SDK1: variants seen among roughly 807,000 people sequenced by gnomAD.
SDK1 encodes protein sidekick-1.
In SDK1, 157 loss-of-function variants were observed where a neutral mutation model predicts 245.5. That is an observed-to-expected ratio of 0.64 (90% CI 0.56 to 0.73). The LOEUF (loss-of-function observed/expected upper bound fraction) is 0.73, where lower values mean the gene tolerates loss of function less well. Ranked by LOEUF, SDK1 falls within the 30% of genes least tolerant of loss-of-function variation. The pLI is 0.00. For synonymous variants in SDK1, 1,647 were observed against 1,278.5 expected (o/e 1.29, Z -6.15); for missense variants, 3,583 against 3,002.3 (o/e 1.19, Z -4.52).
chr7:4,174,149 G>A, intron 32 of SDK1, 73 bp from the exon 33 acceptor site: 4 of 1,532,808 alleles, frequency 2.6e-6, no homozygotes, highest in Non-Finnish European at 3.6e-6. Context: ...AAACAGGGGT[G>A]GAGGTGAGCC....
At chr7:4,148,036 A>G (rs686121) in intron 29 of SDK1, among the ~76,000 whole-genome samples, 15,867 of 145,052 alleles carry the variant, frequency 0.11, 1,143 homozygotes, top group South Asian at 0.16. Context: ...GAGATTTTCC[A>G]TTGGGGCCCC....
chr7:3,526,231 G>A (rs1264865304), intron 1 of SDK1, among the ~76,000 whole-genome samples: 2 of 149,882 alleles, frequency 1.3e-5, no homozygotes, highest in East Asian at 1.9e-4. Flanking sequence ...AGACTCCGTC[G>A]CAAAAAAAGA....
rs551968065 is a variant in SDK1 at position 3,790,946 on chromosome 7, C to T, written c.714-30504C>T. 1.1e-4 allele frequency among the ~76,000 whole-genome samples: 17 copies of T among 152,100 alleles called. No homozygotes were observed. In the East Asian group the frequency reaches 2.7e-3, roughly 24 times the overall value. ...ACTTGACAGTAATCAAAGAGGTAGCCACCCTGCTTGGTTTGAATCACAGCT... is the reference window on the plus strand; with the variant it reads ...ACTTGACAGTAATCAAAGAGGTAGCTACCCTGCTTGGTTTGAATCACAGCT... On this transcript the variant is annotated intron_variant, in intron 4 of 44. Coordinates refer to ENST00000404826, the MANE Select transcript of SDK1 (RefSeq NM_152744.4).
intron 20 of SDK1, among the ~76,000 whole-genome samples, chr7:4,069,948 G>A (rs1780143013): frequency 6.6e-6 from 1 of 152,152 alleles, no homozygotes; most frequent in South Asian, 2.1e-4. Context: ...ATGTGGTGGG[G>A]GTGAGGTTTG....
chr7:3,654,590 T>C (rs1783105571), intron 4 of SDK1, among the ~76,000 whole-genome samples: 1 of 152,206 alleles, frequency 6.6e-6, no homozygotes, highest in East Asian at 1.9e-4. Context: ...TGAAGGTCAC[T>C]CAAGTGTCTT....
In SDK1 at chr7:3,360,806, G is replaced by A. The variant is rs190497679; in HGVS notation, c.298+58922G>A. Among the ~76,000 whole-genome samples, 105 of 152,250 alleles carry A rather than the reference G, an allele frequency of 6.9e-4. 1 individual carries two copies. In the East Asian group the frequency reaches 0.019, roughly 28 times the overall value. On this transcript the variant is annotated intron_variant, in intron 1 of 44. Coordinates refer to ENST00000404826, the MANE Select transcript of SDK1 (RefSeq NM_152744.4). ...ACAGAGGCAGAGAAGACTCCACTCTGTTATGTAATTGTGAGTGCTGGGAGA... is the reference window on the plus strand; with the variant it reads ...ACAGAGGCAGAGAAGACTCCACTCTATTATGTAATTGTGAGTGCTGGGAGA...
intron 1 of SDK1, among the ~76,000 whole-genome samples, chr7:3,592,627 C>G (rs959580109): frequency 2.0e-5 from 3 of 152,092 alleles, no homozygotes; most frequent in Non-Finnish European, 2.9e-5. Context: ...GTTCTGTTTC[C>G]TTTCCTAACT....
chr7:3,736,235 A>G (rs953972049), intron 4 of SDK1, among the ~76,000 whole-genome samples: 3 of 152,136 alleles, frequency 2.0e-5, no homozygotes, highest in Admixed American at 6.5e-5. Flanking sequence ...CACTTAATAT[A>G]TAATCTAGTT....
chr7:4,095,552 ATTTATT>A (rs1463935714), intron 22 of SDK1, among the ~76,000 whole-genome samples: 1 of 151,820 alleles, frequency 6.6e-6, no homozygotes, highest in East Asian at 1.9e-4. Flanking sequence ...TCCTTTATTT[ATTTATT>A]TTTAATTTTT....
intron 14 of SDK1, among the ~76,000 whole-genome samples, chr7:4,006,391 A>G (rs1785489539): frequency 6.6e-6 from 1 of 152,182 alleles, no homozygotes; most frequent in South Asian, 2.1e-4. Flanking sequence ...CGTTTATGGG[A>G]TGGTTTCCTT....
chr7:3,584,565 G>A (rs1780618944), intron 1 of SDK1, among the ~76,000 whole-genome samples: 1 of 152,142 alleles, frequency 6.6e-6, no homozygotes, highest in African/African-American at 2.4e-5. Flanking sequence ...ATCCTGGCCA[G>A]GTGCTTTCCC....
chr7:3,650,157 C>T (rs1429906123), intron 4 of SDK1, among the ~76,000 whole-genome samples: 1 of 152,214 alleles, frequency 6.6e-6, no homozygotes, highest in Non-Finnish European at 1.5e-5. Flanking sequence ...TCAAGCCGTC[C>T]TCCTGCTTTG....
At chr7:3,333,259 A>G (rs374048511) in intron 1 of SDK1, among the ~76,000 whole-genome samples, 1 of 152,154 alleles carries the variant, frequency 6.6e-6, no homozygotes, top group Non-Finnish European at 1.5e-5. Flanking sequence ...TATGATATTT[A>G]GAAACTTTTG....
intron 39 of SDK1, among the ~76,000 whole-genome samples, 166 bp downstream of exon 39, chr7:4,220,436 G>A (rs560359914): frequency 6.6e-6 from 1 of 152,066 alleles, no homozygotes; most frequent in Admixed American, 6.5e-5. Context: ...TCAAAAGCAC[G>A]CGTCAACATG....
chr7:3,903,287 G>C (rs2128106035), intron 5 of SDK1, among the ~76,000 whole-genome samples: 1 of 152,058 alleles, frequency 6.6e-6, no homozygotes, highest in African/African-American at 2.4e-5. Context: ...GGGACTACAG[G>C]TGCCCGCCAC....
Position 3,415,729 on chromosome 7 carries a change from A to T in SDK1, c.298+113845A>T, listed in dbSNP as rs1779346697. Among the ~76,000 whole-genome samples the T allele has an allele frequency of 2.7e-5, 4 of 149,592 alleles. No individual in the cohort carries two copies. The South Asian group carries it at 8.3e-4, about 31-fold the overall frequency. On this transcript the variant is annotated intron_variant, in intron 1 of 44. Transcript: ENST00000404826. ...ATATAAATTATATATAAATGTATAT[A>T]TATATATTCATATACAAATCATTTC...
chr7:4,161,831 C>T lies in SDK1; in HGVS notation c.4775C>T (p.Thr1592Met), dbSNP rs372508770. The T allele has an allele frequency of 8.1e-6, 13 of 1,614,034 alleles. No individual in the cohort carries two copies. Among genetic ancestry groups the T allele is most frequent in the African/African-American group, 6.7e-5 (5 of 74,944 alleles). ...PGSVSATPHT[T>M]SSVLIQWQPP... ...TCTGTCTCAGCGACGCCACACACCA[C>T]GTCCTCTGTCCTGATACAGTGGCAG... Residue 1592 changes from threonine (T) to methionine (M), a missense_variant, in exon 32 of 45, where the codon ACG becomes ATG. Thr to Met is a moderately conservative substitution (Grantham distance 81). Coordinates refer to ENST00000404826, the MANE Select transcript of SDK1 (RefSeq NM_152744.4).
chr7:3,986,205 T>G lies in SDK1; in HGVS notation c.1995-981T>G, dbSNP rs867738588. 8.9e-4 allele frequency among the ~76,000 whole-genome samples: 136 copies of G among 152,342 alleles called. 2 individuals carry two copies. Among genetic ancestry groups the G allele is most frequent in the South Asian group, 8.3e-3 (40 of 4,826 alleles). ...GTTAAGTCCCAGTAAAAACTTTTTT[T>G]TTTTTTAACTAGTAACTTATTTAAA... On this transcript the variant is annotated intron_variant, in intron 13 of 44. Coordinates refer to ENST00000404826, the MANE Select transcript of SDK1 (RefSeq NM_152744.4).
intron 5 of SDK1, among the ~76,000 whole-genome samples, chr7:3,861,235 T>C (rs1431207411): frequency 6.6e-6 from 1 of 152,198 alleles, no homozygotes; most frequent in Non-Finnish European, 1.5e-5. Context: ...GATGCAATAT[T>C]ATATGCAAAG....
Sources: gnomAD v4.1 joint callset for allele counts (sites outside exome capture counted in the v4.1 genomes callset) on GRCh38, gnomAD v4.1.1 for gene constraint, MANE v1.5 for transcripts, NCBI Gene and HGNC (gene_info 2026-07-23, HGNC 2026-07-21) for gene names.